HNRNPA2B1: variants seen among roughly 807,000 people sequenced by gnomAD.
HNRNPA2B1 encodes heterogeneous nuclear ribonucleoproteins A2/B1.
Under a neutral mutation model 46.3 loss-of-function variants are expected in HNRNPA2B1, and 3 were observed. The ratio of observed to expected loss-of-function variants is 0.06; its 90% confidence interval spans 0.03 to 0.17. The LOEUF (loss-of-function observed/expected upper bound fraction) is 0.17. Among genes scored for constraint, HNRNPA2B1 ranks in the 10% least tolerant of loss-of-function variants. The pLI, the probability that HNRNPA2B1 is intolerant of heterozygous loss-of-function variation, is 1.00. For missense variants in HNRNPA2B1, 221 were observed against 418.9 expected (o/e 0.53, Z 4.12); for synonymous variants, 225 against 133.8 (o/e 1.68, Z -4.70).
chr7:26,200,470 T>C (rs1190408743), intron 1 of HNRNPA2B1, 102 bp downstream of exon 1: 1 of 1,207,000 alleles, frequency 8.3e-7, no homozygotes, highest in Non-Finnish European at 1.2e-6. Flanking sequence ...ATTGGTCCGA[T>C]TTCCTGCCTC....
intron 7 of HNRNPA2B1, 59 bp downstream of exon 7, chr7:26,195,788 T>C (rs765393896): frequency 1.3e-5 from 21 of 1,555,930 alleles, no homozygotes; most frequent in Non-Finnish European, 1.8e-5. Flanking sequence ...ATGAAGTAAA[T>C]ATACGATATA....
chr7:26,195,633 T>G, intron 7 of HNRNPA2B1: 1 of 541,186 alleles, frequency 1.8e-6, no homozygotes, highest in Non-Finnish European at 3.2e-6. Context: ...CTCTGATGGT[T>G]ATCTTTACAT....
In HNRNPA2B1 at chr7:26,196,564, T is replaced by C. The variant is rs747104530; in HGVS notation, c.570A>G (p.Gly190=). ...EMQEVQSSRS[G]RGGNFGFGDS... ...AAACAGAATTAAAATTACCTCCTCT[T>C]CCACTCCTAGAACTCTGAACTTCCT... Residue 190 remains glycine, a synonymous_variant, in exon 5 of 11, where the codon GGA becomes GGG. Transcript: ENST00000618183. 6.2e-7 allele frequency: 1 copy of C among 1,613,440 alleles called. No individual in the cohort carries two copies. Among genetic ancestry groups the C allele is most frequent in the South Asian group, 1.1e-5 (1 of 91,064 alleles).
intron 1 of HNRNPA2B1, chr7:26,198,876 TCTCC>T (rs1025174275): frequency 3.7e-4 from 56 of 152,342 alleles, no homozygotes; most frequent in African/African-American, 1.2e-3. Context: ...TCTACGGAGC[TCTCC>T]CTCCATTCGC....
chr7:26,198,627 A>G (rs1783960547), intron 1 of HNRNPA2B1: 1 of 152,280 alleles, frequency 6.6e-6, no homozygotes, highest in Non-Finnish European at 1.5e-5. Context: ...AGTCAATAGG[A>G]AAAACCTCAG....
chr7:26,196,332 A>T, intron 6 of HNRNPA2B1, 69 bp downstream of exon 6: 1 of 1,265,262 alleles, frequency 7.9e-7, no homozygotes. Flanking sequence ...TGATTCTACT[A>T]ATGAAAACCT....
intron 1 of HNRNPA2B1, chr7:26,199,321 T>C (rs1784069076): frequency 6.6e-6 from 1 of 152,556 alleles, no homozygotes; most frequent in Non-Finnish European, 1.5e-5. Flanking sequence ...ATCAATGTAA[T>C]GTTCAACCAA....
In HNRNPA2B1 at chr7:26,189,959, A is replaced by T. The variant is rs1424798988; in HGVS notation, c.*2401T>A. On this transcript the variant is annotated 3_prime_UTR_variant, in exon 11 of 11. Transcript: ENST00000618183. ...CATAATGAACAGCATTTTATTGGGGACAGCCAATAATGTCCACAATGCTCT... is the reference window on the plus strand; with the variant it reads ...CATAATGAACAGCATTTTATTGGGGTCAGCCAATAATGTCCACAATGCTCT... 2 of 152,206 alleles carry T rather than the reference A, an allele frequency of 1.3e-5. No individual in the cohort carries two copies. Among genetic ancestry groups the T allele is most frequent in the African/African-American group, 2.4e-5 (1 of 41,442 alleles). 9.4% of individuals were successfully genotyped at this position (152,206 alleles called of 1,614,324 possible). A position where few individuals can be genotyped will look rare whatever the true frequency, so the allele number is the denominator to read the frequency against.
Position 26,192,308 on chromosome 7 carries a change from C to A in HNRNPA2B1, c.*52G>T. ...CTGAAGCTGTTCTGTTACCTCTGGG[C>A]TCTCATCCTCTCCTATTTATACAGT... On this transcript the variant is annotated 3_prime_UTR_variant, in exon 11 of 11. Transcript: ENST00000618183. The A allele has an allele frequency of 1.1e-5, 6 of 551,012 alleles. No individual in the cohort carries two copies. Among genetic ancestry groups the A allele is most frequent in the Non-Finnish European group, 6.5e-6 (2 of 309,066 alleles). 34.1% of individuals were successfully genotyped at this position (551,012 alleles called of 1,614,324 possible). A position where few individuals can be genotyped will look rare whatever the true frequency, so the allele number is the denominator to read the frequency against.
rs1022216012 is a variant in HNRNPA2B1 at position 26,190,451 on chromosome 7, A to T, written c.*1909T>A. The T allele has an allele frequency of 2.6e-5, 4 of 152,624 alleles. No individual in the cohort carries two copies. Among genetic ancestry groups the T allele is most frequent in the African/African-American group, 9.6e-5 (4 of 41,464 alleles). The allele number at this position is 152,624 out of a possible 1,614,324, so 9.5% of individuals were successfully genotyped here. A position where few individuals can be genotyped will look rare whatever the true frequency, so the allele number is the denominator to read the frequency against. The stretch of plus-strand genomic sequence containing the variant: ...ACTTCTTCATTAGTTACCTGCAGCA[A>T]GACACCTTCCTGCCAAAGGAAAAAA... On this transcript the variant is annotated 3_prime_UTR_variant, in exon 11 of 11. Coordinates refer to ENST00000618183, the MANE Select transcript of HNRNPA2B1 (RefSeq NM_002137.4).
intron 9 of HNRNPA2B1, 28 bp downstream of exon 9, chr7:26,193,223 C>G (rs1783113049): frequency 1.3e-6 from 2 of 1,599,870 alleles, no homozygotes; most frequent in East Asian, 2.2e-5. Context: ...TCACAAAAAT[C>G]TGAATAACCT....
In HNRNPA2B1 at chr7:26,200,645, A is replaced by T. The variant is rs1784329505; in HGVS notation, c.-68T>A. ...AGATGAGAGAGATCTCCGCGGACGAACACGAACCGGACTCGTCCTGGCGCT... is the reference window on the plus strand; with the variant it reads ...AGATGAGAGAGATCTCCGCGGACGATCACGAACCGGACTCGTCCTGGCGCT... On this transcript the variant is annotated 5_prime_UTR_variant, in exon 1 of 11. Coordinates refer to ENST00000618183, the MANE Select transcript of HNRNPA2B1 (RefSeq NM_002137.4). 1.9e-6 allele frequency: 3 copies of T among 1,606,086 alleles called. No homozygotes were observed. The South Asian group carries it at 3.3e-5, about 18-fold the overall frequency.
Position 26,197,588 on chromosome 7 carries a change from C to G in HNRNPA2B1, c.117+34G>C, listed in dbSNP as rs1464200884. 6 of 1,574,632 alleles carry G rather than the reference C, an allele frequency of 3.8e-6. No individual in the cohort carries two copies. In the East Asian group the frequency reaches 1.3e-4, roughly 35 times the overall value. The stretch of plus-strand genomic sequence containing the variant: ...ATTCACTTAACATACAGCTAAAAGA[C>G]TAATATCCAGTAACAATTCAGTAAT... On this transcript the variant is annotated intron_variant, in intron 2 of 10. Coordinates refer to ENST00000618183, the MANE Select transcript of HNRNPA2B1 (RefSeq NM_002137.4).
Position 26,193,346 on chromosome 7 carries a change from TCA to T in HNRNPA2B1, c.867_868del (p.Asn289LysfsTer6). The stretch of plus-strand genomic sequence containing the variant: ...AGGTTGCTGGTTATAATTTCCAAAA[TCA>T]TTGTAATTTCCACTTCCATAATTTC... On this transcript the variant is annotated frameshift_variant, in exon 9 of 11. Coordinates refer to ENST00000618183, the MANE Select transcript of HNRNPA2B1 (RefSeq NM_002137.4). LOFTEE classifies it high-confidence loss of function. 6.2e-7 allele frequency: 1 copy of T among 1,612,076 alleles called. No individual in the cohort carries two copies. Among genetic ancestry groups the T allele is most frequent in the South Asian group, 1.1e-5 (1 of 90,960 alleles).
chr7:26,194,383 G>C (rs746340783), intron 7 of HNRNPA2B1, among the ~76,000 whole-genome samples: 6 of 151,348 alleles, frequency 4.0e-5, no homozygotes, highest in Non-Finnish European at 7.4e-5. Flanking sequence ...GCGACAGAGA[G>C]AGACTCCCTC....
At chr7:26,196,535 G>A (rs1230276343) in intron 5 of HNRNPA2B1, 22 bp downstream of exon 5, 9 of 1,612,040 alleles carry the variant, frequency 5.6e-6, no homozygotes, top group African/African-American at 2.7e-5. Flanking sequence ...CAAAAATAAA[G>A]AAGAAACAGA....
At chr7:26,192,794 C>T (rs926360871) in intron 9 of HNRNPA2B1, among the ~76,000 whole-genome samples, 1 of 152,084 alleles carries the variant, frequency 6.6e-6, no homozygotes, top group East Asian at 1.9e-4. Flanking sequence ...AATAAAGGGT[C>T]CTTTCACCCT....
At chr7:26,192,425 T>TA in intron 10 of HNRNPA2B1, 70 bp downstream of exon 10, 5 of 1,026,148 alleles carry the variant, frequency 4.9e-6, no homozygotes, top group East Asian at 2.4e-5. Context: ...AACATGATCC[T>TA]AAAAAGCTTT....
At chr7:26,196,337 A>T in intron 6 of HNRNPA2B1, 64 bp downstream of exon 6, 1 of 1,332,184 alleles carries the variant, frequency 7.5e-7, no homozygotes, top group South Asian at 1.3e-5. Flanking sequence ...CTACTAATGA[A>T]AACCTAATCA....
Sources: gnomAD v4.1 joint callset for allele counts (sites outside exome capture counted in the v4.1 genomes callset) on GRCh38, gnomAD v4.1.1 for gene constraint, MANE v1.5 for transcripts, NCBI Gene and HGNC (gene_info 2026-07-23, HGNC 2026-07-21) for gene names.